SLC39A12: variants seen among roughly 807,000 people sequenced by gnomAD.
SLC39A12 encodes the protein zinc transporter ZIP12.
Under a neutral mutation model 71.1 loss-of-function variants are expected in SLC39A12, and 63 were observed. That is an observed-to-expected ratio of 0.89 (90% CI 0.72 to 1.09). The LOEUF is 1.09. Among genes scored for constraint, SLC39A12 ranks in the 50% least tolerant of loss-of-function variants. SLC39A12 has a pLI of 0.00. For synonymous variants in SLC39A12, 351 were observed against 301.3 expected (o/e 1.16, Z -1.71); for missense variants, 892 against 812.6 (o/e 1.10, Z -1.19).
intron 5 of SLC39A12, among the ~76,000 whole-genome samples, chr10:17,979,773 C>T (rs1835206783): frequency 6.6e-6 from 1 of 152,156 alleles, no homozygotes; most frequent in African/African-American, 2.4e-5. Flanking sequence ...ATTCCATCTC[C>T]TACTACTTGG....
At chr10:18,014,217 A>T (rs1836314712) in intron 12 of SLC39A12, among the ~76,000 whole-genome samples, 1 of 152,094 alleles carries the variant, frequency 6.6e-6, no homozygotes, top group Non-Finnish European at 1.5e-5. Context: ...TTTTGATGAT[A>T]TTGTAAATAC....
intron 2 of SLC39A12, among the ~76,000 whole-genome samples, chr10:17,960,773 T>C (rs1462203291): frequency 6.6e-6 from 1 of 152,160 alleles, no homozygotes; most frequent in Admixed American, 6.5e-5. Flanking sequence ...CTCATCCAAA[T>C]TGAGATGTGC....
At chr10:17,994,755 G>T (rs1306585332) in intron 9 of SLC39A12, among the ~76,000 whole-genome samples, 1 of 151,988 alleles carries the variant, frequency 6.6e-6, no homozygotes, top group Non-Finnish European at 1.5e-5. Context: ...TTGAATAGCT[G>T]CTATTATTCT....
chr10:18,042,959 C>A lies in SLC39A12; in HGVS notation c.*126C>A. On this transcript the variant is annotated 3_prime_UTR_variant, in exon 13 of 13. Transcript: ENST00000377369. ...TAGGCAAAGTGTGTCTCTTTCAATTCATTAACTTATTAATTTTATAATGCA... is the reference window on the plus strand; with the variant it reads ...TAGGCAAAGTGTGTCTCTTTCAATTAATTAACTTATTAATTTTATAATGCA... The A allele has an allele frequency of 1.5e-6, 1 of 670,140 alleles. No homozygotes were observed. Among genetic ancestry groups the A allele is most frequent in the Non-Finnish European group, 2.2e-6 (1 of 459,688 alleles). 41.5% of individuals were successfully genotyped at this position (670,140 alleles called of 1,614,324 possible).
intron 12 of SLC39A12, among the ~76,000 whole-genome samples, chr10:18,026,368 A>G (rs1836678564): frequency 6.6e-6 from 1 of 152,104 alleles, no homozygotes; most frequent in South Asian, 2.1e-4. Flanking sequence ...CACTTTAAAT[A>G]TTTTAGTTCA....
intron 12 of SLC39A12, among the ~76,000 whole-genome samples, chr10:18,023,857 C>T (rs2497772): frequency 0.46 from 69,883 of 151,954 alleles, 16,564 homozygotes; most frequent in Non-Finnish European, 0.52. Context: ...CTGTTCTGTA[C>T]ACCCAGGTCA....
At chr10:18,024,011 G>A (rs535073110) in intron 12 of SLC39A12, among the ~76,000 whole-genome samples, 1 of 152,156 alleles carries the variant, frequency 6.6e-6, no homozygotes, top group Non-Finnish European at 1.5e-5. Context: ...AGAAGGGGTG[G>A]GGGCTGCAGC....
At chr10:17,967,894 A>ATATATATATATAT (rs1476243267) in intron 4 of SLC39A12, among the ~76,000 whole-genome samples, 1 of 117,850 alleles carries the variant, frequency 8.5e-6, no homozygotes, top group African/African-American at 3.6e-5. Flanking sequence ...CTCAAAAAAA[A>ATATATATATATAT]AAAAATATAT....
chr10:17,969,897 G>A (rs1054680191), intron 4 of SLC39A12, among the ~76,000 whole-genome samples: 2 of 152,128 alleles, frequency 1.3e-5, no homozygotes, highest in East Asian at 3.9e-4. Flanking sequence ...ACGTTTTCTT[G>A]TAGTATTTCA....
intron 4 of SLC39A12, among the ~76,000 whole-genome samples, chr10:17,971,522 G>A (rs1254115434): frequency 6.6e-6 from 1 of 151,654 alleles, no homozygotes; most frequent in East Asian, 1.9e-4. Flanking sequence ...ACTCGTTATT[G>A]GACTGTTCAG....
At chr10:18,000,429 G>A (rs1335481849) in intron 10 of SLC39A12, among the ~76,000 whole-genome samples, 1 of 152,156 alleles carries the variant, frequency 6.6e-6, no homozygotes, top group African/African-American at 2.4e-5. Context: ...AATCATTTAT[G>A]CCAGCATGTA....
Position 18,003,337 on chromosome 10 carries a change from AT to A in SLC39A12, c.1927del (p.Tyr643IlefsTer11). 2 of 1,610,386 alleles carry A rather than the reference AT, an allele frequency of 1.2e-6. No individual in the cohort carries two copies. ...TCACAGTCACTGCTGGGATGTTCTT[AT>A]ATTTATCCTTGGTTGAAATGGTAAG... ...IFTVTAGMFL[Y>X]LSLVEMLPEM... On this transcript the variant is annotated frameshift_variant, in exon 12 of 13. Coordinates refer to ENST00000377369, the MANE Select transcript of SLC39A12 (RefSeq NM_001145195.2). LOFTEE classifies it high-confidence loss of function.
At chr10:18,014,508 A>G (rs999432061) in intron 12 of SLC39A12, among the ~76,000 whole-genome samples, 7 of 152,238 alleles carry the variant, frequency 4.6e-5, no homozygotes, top group Non-Finnish European at 1.0e-4. Context: ...CAACAATCAC[A>G]TAAGCCCTTT....
intron 7 of SLC39A12, among the ~76,000 whole-genome samples, chr10:17,990,817 A>G (rs1233030262): frequency 6.6e-6 from 1 of 152,206 alleles, no homozygotes; most frequent in Non-Finnish European, 1.5e-5. Context: ...CTCCTGAAAA[A>G]CAATTTGGCC....
Position 17,961,720 on chromosome 10 carries a change from A to T in SLC39A12, c.401A>T (p.Asn134Ile). ...GAAGAGATCTGTTCTTCAAAGCTCA[A>T]CATGAGTAATAAAGAGTATAAATTT... ...HQEEICSSKL[N>I]MSNKEYKFYL... is the part of the protein sequence containing the mutation. Residue 134 changes from asparagine (N) to isoleucine (I), a missense_variant, in exon 3 of 13, where the codon AAC (asparagine) becomes ATC (isoleucine). Asn to Ile is a moderately radical substitution (Grantham distance 149). Transcript: ENST00000377369. 1 of 1,614,138 alleles carries T rather than the reference A, an allele frequency of 6.2e-7. No homozygotes were observed. Among genetic ancestry groups the T allele is most frequent in the Non-Finnish European group, 8.5e-7 (1 of 1,179,992 alleles).
At chr10:17,996,455 C>T (rs1835685205) in intron 10 of SLC39A12, among the ~76,000 whole-genome samples, 1 of 152,100 alleles carries the variant, frequency 6.6e-6, no homozygotes. Context: ...TAATGTTATG[C>T]ATCATGATTA....
chr10:17,953,513 C>A lies in SLC39A12; in HGVS notation c.237C>A (p.Asn79Lys), dbSNP rs572428034. The change falls in exon 2 of 13, where the codon AAC (asparagine) becomes AAA (lysine). Residue 79 changes from asparagine (N) to lysine (K), a missense_variant. Coordinates refer to ENST00000377369, the MANE Select transcript of SLC39A12 (RefSeq NM_001145195.2). ...AAACTGGGTGCCCACGGAGGAGAAA[C>A]GGAATGCAAGGAGATTGCAATCTGG... The part of the protein sequence containing the change: ...LEKTGCPRRR[N>K]GMQGDCNLCF... 2 of 1,614,080 alleles carry A rather than the reference C, an allele frequency of 1.2e-6. No homozygotes were observed. Among genetic ancestry groups the A allele is most frequent in the Non-Finnish European group, 1.7e-6 (2 of 1,180,020 alleles).
At position 18,003,156 on chromosome 10, in the gene SLC39A12, C is replaced by G; in HGVS notation, c.1760-15C>G. 6.2e-7 allele frequency: 1 copy of G among 1,605,890 alleles called. No homozygotes were observed. The highest frequency in any genetic ancestry group is 2.2e-5 in the East Asian group (1 of 44,828). ...TTAAATGATAATTATATTTTCCTTT[C>G]CTCTTAAACTTCAGGAGACTTTGCC... On this transcript the variant is annotated splice_polypyrimidine_tract_variant and intron_variant, in intron 11 of 12. Coordinates refer to ENST00000377369, the MANE Select transcript of SLC39A12 (RefSeq NM_001145195.2).
chr10:17,976,301 C>T (rs1835108051), intron 4 of SLC39A12, among the ~76,000 whole-genome samples: 2 of 152,172 alleles, frequency 1.3e-5, no homozygotes, highest in African/African-American at 4.8e-5. Context: ...TTTCACTACC[C>T]TTCTGTCCCC....
Sources: gnomAD v4.1 joint callset for allele counts (sites outside exome capture counted in the v4.1 genomes callset) on GRCh38, gnomAD v4.1.1 for gene constraint, MANE v1.5 for transcripts, NCBI Gene and HGNC (gene_info 2026-07-23, HGNC 2026-07-21) for gene names.